IQCE: variants seen among roughly 807,000 people sequenced by gnomAD.
IQCE encodes the protein IQ domain-containing protein E.
In IQCE, 115 loss-of-function variants were observed where a neutral mutation model predicts 96.0. That is an observed-to-expected ratio of 1.20 (90% confidence interval 1.03 to 1.40). IQCE has a LOEUF of 1.40. IQCE is among the 40% of genes most tolerant of loss of function. IQCE has a pLI of 0.00. For missense variants in IQCE, 1,041 were observed against 909.1 expected (o/e 1.15, Z -1.87); for synonymous variants, 412 against 371.2 (o/e 1.11, Z -1.26).
intron 6 of IQCE, among the ~76,000 whole-genome samples, chr7:2,575,715 G>C (rs1181425242): frequency 1.3e-5 from 2 of 152,210 alleles, no homozygotes; most frequent in South Asian, 4.1e-4. Flanking sequence ...TCTGGCTGGA[G>C]AGAAGAGGCT....
At chr7:2,572,658 AGT>A (rs1781842275) in intron 5 of IQCE, 1 of 489,500 alleles carries the variant, frequency 2.0e-6, no homozygotes, top group Admixed American at 2.4e-5. Context: ...AATGATAAAA[AGT>A]CCAAGTCGCA....
chr7:2,601,225 C>T (rs1784407897), intron 17 of IQCE, among the ~76,000 whole-genome samples: 1 of 152,312 alleles, frequency 6.6e-6, no homozygotes, highest in Admixed American at 6.5e-5. Context: ...CATGTGACTC[C>T]TGGAGAATTC....
intron 1 of IQCE, 47 bp from the exon 2 acceptor site, chr7:2,567,069 G>T (rs769578725): frequency 1.5e-5 from 23 of 1,542,866 alleles, no homozygotes; most frequent in Admixed American, 3.3e-5. Context: ...ATGGTCGGAA[G>T]CCCAGCAGGT....
intron 21 of IQCE, among the ~76,000 whole-genome samples, chr7:2,608,775 C>T (rs978320131): frequency 1.3e-4 from 20 of 152,178 alleles, no homozygotes; most frequent in Admixed American, 3.9e-4. Context: ...ATCCCCGTGA[C>T]CCAGGGATTC....
At chr7:2,562,776 C>A (rs990359426) in intron 1 of IQCE, among the ~76,000 whole-genome samples, 17 of 149,852 alleles carry the variant, frequency 1.1e-4, no homozygotes, top group African/African-American at 3.9e-4. Flanking sequence ...CTTTTACTTC[C>A]TTTGAGTTTA....
chr7:2,579,293 G>A (rs149399433), intron 8 of IQCE, among the ~76,000 whole-genome samples: 4 of 152,106 alleles, frequency 2.6e-5, no homozygotes, highest in African/African-American at 9.6e-5. Flanking sequence ...AACCGAAAGG[G>A]ATACGATTTT....
intron 6 of IQCE, among the ~76,000 whole-genome samples, chr7:2,574,700 G>C (rs1050353699): frequency 6.6e-6 from 1 of 152,242 alleles, no homozygotes; most frequent in African/African-American, 2.4e-5. Context: ...CAGTCATCAA[G>C]TCTTGAGTTG....
In IQCE at chr7:2,560,623, A is replaced by G. The variant is rs116262921; in HGVS notation, c.36+1406A>G. Among the ~76,000 whole-genome samples the G allele has an allele frequency of 3.2e-3, 490 of 152,300 alleles. 3 individuals carry two copies. The highest frequency in any genetic ancestry group is 4.7e-3 in the Non-Finnish European group (318 of 68,026). On this transcript the variant is annotated intron_variant, in intron 1 of 21. Transcript: ENST00000402050. ...AAAACTGCTTGTTGTGATTATAAAA[A>G]TAATTTATGTATATTATTTATTTTT...
chr7:2,559,274 T>C (rs34580685), intron 1 of IQCE, 57 bp downstream of exon 1: 353,883 of 1,091,770 alleles, frequency 0.32, 62,423 homozygotes, highest in African/African-American at 0.68. Context: ...TCGGCTCGTC[T>C]CCGTCGCCCG....
intron 1 of IQCE, chr7:2,559,526 T>G: frequency 5.1e-6 from 1 of 195,470 alleles, no homozygotes; most frequent in Non-Finnish European, 1.0e-5. Context: ...ACGGTGTAAG[T>G]GCCTCCGGGC....
In IQCE at chr7:2,559,072, C is replaced by G. The variant is rs896005968; in HGVS notation, c.-110C>G. 24 of 579,378 alleles carry G rather than the reference C, an allele frequency of 4.1e-5. No individual in the cohort carries two copies. Among genetic ancestry groups the G allele is most frequent in the African/African-American group, 3.0e-4 (15 of 50,292 alleles). 35.9% of individuals were successfully genotyped at this position (579,378 alleles called of 1,614,324 possible). On this transcript the variant is annotated 5_prime_UTR_variant, in exon 1 of 22. Coordinates refer to ENST00000402050, the MANE Select transcript of IQCE (RefSeq NM_152558.5). ...TTGCCATGGCAGCGGGGTCGCGGGC[C>G]GGCGCCAGGGAAGGCCCCGAGGCTG...
intron 6 of IQCE, among the ~76,000 whole-genome samples, chr7:2,574,653 T>A (rs890089615): frequency 2.0e-5 from 3 of 152,218 alleles, no homozygotes; most frequent in Non-Finnish European, 4.4e-5. Context: ...GTCTCTTGAA[T>A]CTATAGGTTT....
chr7:2,568,848 C>G (rs953411670), intron 2 of IQCE, 106 bp from the exon 3 acceptor site: 2 of 1,035,458 alleles, frequency 1.9e-6, no homozygotes, highest in Non-Finnish European at 2.9e-6. Context: ...CTCACGTCCT[C>G]TTGCTGCTCT....
Position 2,603,082 on chromosome 7 carries a change from C to T in IQCE, c.1632+1618C>T, listed in dbSNP as rs143026503. Among the ~76,000 whole-genome samples the T allele has an allele frequency of 8.2e-3, 1,248 of 152,298 alleles. 30 individuals are homozygous for T. Among genetic ancestry groups the T allele is most frequent in the Middle Eastern group, 0.034 (10 of 294 alleles). On this transcript the variant is annotated intron_variant, in intron 18 of 21. Coordinates refer to ENST00000402050, the MANE Select transcript of IQCE (RefSeq NM_152558.5). ...CCCCACAGACACACCCTTGTCCATACCCATCTCACACATCTGCAATGGCAA... is the reference window on the plus strand; with the variant it reads ...CCCCACAGACACACCCTTGTCCATATCCATCTCACACATCTGCAATGGCAA...
chr7:2,593,044 C>T lies in IQCE; in HGVS notation c.1267C>T (p.Gln423Ter), dbSNP rs1783731614. The T allele has an allele frequency of 1.2e-6, 2 of 1,608,196 alleles. No individual in the cohort carries two copies. Among genetic ancestry groups the T allele is most frequent in the Non-Finnish European group, 1.7e-6 (2 of 1,175,364 alleles). ...QRDLEVKQLL[Q>*]AKADLEKELE... is the part of the protein sequence containing the mutation. Reference sequence around the variant, plus strand: ...CAGTTTGGAGGTGAAGCAGCTCCTGCAGGCGAAGGCCGACCTGGAGAAGGA... The same window carrying T: ...CAGTTTGGAGGTGAAGCAGCTCCTGTAGGCGAAGGCCGACCTGGAGAAGGA... The change falls in exon 15 of 22, where the codon CAG (glutamine) becomes TAG (stop). Residue 423 changes from glutamine (Q) to a stop codon, truncating the protein, a stop_gained. Coordinates refer to ENST00000402050, the MANE Select transcript of IQCE (RefSeq NM_152558.5). LOFTEE classifies it high-confidence loss of function.
At chr7:2,563,936 A>G (rs868077301) in intron 1 of IQCE, among the ~76,000 whole-genome samples, 9 of 149,236 alleles carry the variant, frequency 6.0e-5, no homozygotes, top group Admixed American at 1.3e-4. Flanking sequence ...TCAGCCGGGC[A>G]CAGTGGTTCA....
At chr7:2,603,643 C>T (rs368460889) in intron 18 of IQCE, among the ~76,000 whole-genome samples, 28 of 152,340 alleles carry the variant, frequency 1.8e-4, no homozygotes, top group African/African-American at 6.7e-4. Flanking sequence ...CAGAGCCTCC[C>T]GTACCTGGCA....
intron 1 of IQCE, among the ~76,000 whole-genome samples, chr7:2,562,981 A>G (rs1192056899): frequency 6.6e-6 from 1 of 152,044 alleles, no homozygotes. Flanking sequence ...GCTAGAGAGC[A>G]GTGGCACAAT....
chr7:2,559,119 G>A lies in IQCE; in HGVS notation c.-63G>A, dbSNP rs1780720923. On this transcript the variant is annotated 5_prime_UTR_variant, in exon 1 of 22. Transcript: ENST00000402050. ...GCTGCGGGCGGCCAGGGCTGCCCGC[G>A]GATTCCCAGACCCGGACGCCCGAGC... 9.4e-7 allele frequency: 1 copy of A among 1,064,806 alleles called. No homozygotes were observed. Among genetic ancestry groups the A allele is most frequent in the Non-Finnish European group, 1.2e-6 (1 of 852,878 alleles). The allele number at this position is 1,064,806 out of a possible 1,614,324, so 66.0% of individuals were successfully genotyped here. A position where few individuals can be genotyped will look rare whatever the true frequency, so the allele number is the denominator to read the frequency against.
Sources: gnomAD v4.1 joint callset for allele counts (sites outside exome capture counted in the v4.1 genomes callset) on GRCh38, gnomAD v4.1.1 for gene constraint, MANE v1.5 for transcripts, NCBI Gene and HGNC (gene_info 2026-07-23, HGNC 2026-07-21) for gene names.